The following LARP1B variants were observed in gnomAD, a reference collection of about 807,000 sequenced individuals.
The protein encoded by LARP1B is la-related protein 1B.
A neutral mutation model predicts 114.2 loss-of-function variants in LARP1B; 76 were observed. That is an observed-to-expected ratio of 0.67 (90% CI 0.55 to 0.81). LARP1B has a LOEUF of 0.81. Ranked by LOEUF, LARP1B falls within the 30% of genes least tolerant of loss-of-function variation. LARP1B has a pLI of 0.00. For synonymous variants in LARP1B, 345 were observed against 348.0 expected (o/e 0.99, Z 0.10); for missense variants, 1,014 against 1,075.8 (o/e 0.94, Z 0.80).
chr4:128,184,107 A>G (rs915149830), intron 15 of LARP1B, among the ~76,000 whole-genome samples: 1 of 152,204 alleles, frequency 6.6e-6, no homozygotes, highest in African/African-American at 2.4e-5. Flanking sequence ...AATGACAACA[A>G]CAGATTTAGA....
At chr4:128,188,434 TTTTG>T (rs1316192988) in intron 15 of LARP1B, among the ~76,000 whole-genome samples, 1 of 152,156 alleles carries the variant, frequency 6.6e-6, no homozygotes, top group Non-Finnish European at 1.5e-5. Context: ...GGTTTGTTGA[TTTTG>T]TTTATCTTTT....
At chr4:128,194,565 C>G (rs889977797) in intron 15 of LARP1B, among the ~76,000 whole-genome samples, 12 of 151,192 alleles carry the variant, frequency 7.9e-5, no homozygotes, top group Non-Finnish European at 1.5e-4. Context: ...CGCCTGTAGT[C>G]CCAGCTACTC....
At chr4:128,076,402 T>C (rs976609684) in intron 3 of LARP1B, among the ~76,000 whole-genome samples, 6 of 152,208 alleles carry the variant, frequency 3.9e-5, no homozygotes, top group African/African-American at 1.4e-4. Flanking sequence ...CTCTTTTTTT[T>C]CCTGGCTTGT....
At chr4:128,219,703 C>T (rs887910071) in intron 6 of LARP1B, among the ~76,000 whole-genome samples, 5 of 141,482 alleles carry the variant, frequency 3.5e-5, no homozygotes, top group South Asian at 4.6e-4. Flanking sequence ...CTAGATGACG[C>T]GTTAGTGGGT....
At chr4:128,071,303 C>G (rs6820939) in intron 1 of LARP1B, among the ~76,000 whole-genome samples, 7,576 of 152,246 alleles carry the variant, frequency 0.05, 271 homozygotes, top group Non-Finnish European at 0.083. Flanking sequence ...CCTCGGCCTC[C>G]CAAAGTGCTG....
rs1758939722 is a variant in LARP1B at position 128,211,261 on chromosome 4, T to G, written c.*1208T>G. The G allele has an allele frequency of 1.1e-6, 1 of 951,972 alleles. No individual in the cohort carries two copies. Among genetic ancestry groups the G allele is most frequent in the South Asian group, 4.9e-5 (1 of 20,536 alleles). 59.0% of individuals were successfully genotyped at this position (951,972 alleles called of 1,614,324 possible). Reference sequence around the variant, plus strand: ...TTCAATTATAAACTTACATTCACTTTATTGAGCACTACATAATTTACAGAT... The same window carrying G: ...TTCAATTATAAACTTACATTCACTTGATTGAGCACTACATAATTTACAGAT... On this transcript the variant is annotated 3_prime_UTR_variant, in exon 20 of 20. Transcript: ENST00000326639.
intron 3 of LARP1B, among the ~76,000 whole-genome samples, chr4:128,076,860 C>T (rs951246212): frequency 1.1e-4 from 16 of 152,018 alleles, no homozygotes; most frequent in African/African-American, 3.6e-4. Flanking sequence ...TAAGTAGCTG[C>T]GACTATAGGC....
intron 4 of LARP1B, among the ~76,000 whole-genome samples, chr4:128,080,122 T>G (rs1199977544): frequency 1.3e-5 from 2 of 151,880 alleles, no homozygotes; most frequent in African/African-American, 4.8e-5. Flanking sequence ...GCAGCTGGGA[T>G]TACAGGCACC....
At position 128,079,848 on chromosome 4, in the gene LARP1B, C is replaced by T. The variant is rs972642622; in HGVS notation, c.217+1886C>T. On this transcript the variant is annotated intron_variant, in intron 4 of 19. Transcript: ENST00000326639. Reference sequence around the variant, plus strand: ...CCAAAGTGCTGGGATTAGAAGTGTGCGCCACCATGCCTGGCCTCCTCATTT... The same window carrying T: ...CCAAAGTGCTGGGATTAGAAGTGTGTGCCACCATGCCTGGCCTCCTCATTT... Among the ~76,000 whole-genome samples the T allele has an allele frequency of 2.2e-4, 33 of 151,316 alleles. 1 individual carries two copies. In the East Asian group the frequency reaches 2.9e-3, roughly 13 times the overall value.
intron 11 of LARP1B, among the ~76,000 whole-genome samples, chr4:128,128,513 T>C (rs1017150180): frequency 6.6e-6 from 1 of 152,188 alleles, no homozygotes; most frequent in African/African-American, 2.4e-5. Context: ...GGCAAAATCA[T>C]TTAAACACAA....
At chr4:128,141,437 G>A (rs1294003899) in intron 11 of LARP1B, among the ~76,000 whole-genome samples, 3 of 152,168 alleles carry the variant, frequency 2.0e-5, no homozygotes, top group African/African-American at 7.2e-5. Context: ...CAAGTTGCTT[G>A]TGTAGAAACT....
chr4:128,069,601 G>T, intron 1 of LARP1B: 1 of 693,718 alleles, frequency 1.4e-6, no homozygotes, highest in South Asian at 1.6e-5. Context: ...GGATTTACTT[G>T]TATGCCCCCA....
downstream of LARP1B, among the ~76,000 whole-genome samples, chr4:128,212,859 A>G (rs1014907001): frequency 2.0e-5 from 3 of 149,482 alleles, no homozygotes; most frequent in African/African-American, 7.4e-5. Flanking sequence ...AACACCAATT[A>G]TGATAAATCT....
intron 9 of LARP1B, among the ~76,000 whole-genome samples, chr4:128,113,407 T>C (rs1374182516): frequency 1.3e-5 from 2 of 150,044 alleles, no homozygotes; most frequent in Admixed American, 6.7e-5. Context: ...GGAGCGCAGA[T>C]CTTAGCTCAC....
intron 7 of LARP1B, among the ~76,000 whole-genome samples, chr4:128,092,285 A>G (rs1165122184): frequency 6.6e-6 from 1 of 152,000 alleles, no homozygotes; most frequent in Non-Finnish European, 1.5e-5. Flanking sequence ...AGTTTTTTTT[A>G]TCTTCTAAGT....
chr4:128,199,287 A>C (rs987714835), intron 15 of LARP1B, 152 bp from the exon 16 acceptor site: 2 of 452,556 alleles, frequency 4.4e-6, no homozygotes, highest in Non-Finnish European at 7.7e-6. Flanking sequence ...CACTATATGC[A>C]GATCTGTATG....
chr4:128,129,372 GTAAA>G lies in LARP1B; in HGVS notation c.1524+7190_1524+7193del, dbSNP rs1435092833. Among the ~76,000 whole-genome samples, 11 of 144,750 alleles carry G rather than the reference GTAAA, an allele frequency of 7.6e-5. No individual in the cohort carries two copies. The South Asian group carries it at 1.3e-3, about 18-fold the overall frequency. 95.0% of individuals were successfully genotyped at this position (144,750 alleles called of 152,430 possible). A position where few individuals can be genotyped will look rare whatever the true frequency, so the allele number is the denominator to read the frequency against. ...TCAAAAAAAAAAAAAAAAGGAATAAGTAAATAAATCGAGAAACATTCCTTGTTCA... is the reference window on the plus strand; with the variant it reads ...TCAAAAAAAAAAAAAAAAGGAATAAGTAAATCGAGAAACATTCCTTGTTCA... On this transcript the variant is annotated intron_variant, in intron 11 of 19. Coordinates refer to ENST00000326639, the MANE Select transcript of LARP1B (RefSeq NM_018078.4).
intron 14 of LARP1B, among the ~76,000 whole-genome samples, chr4:128,179,023 G>C (rs1454518610): frequency 6.6e-6 from 1 of 152,118 alleles, no homozygotes; most frequent in African/African-American, 2.4e-5. Flanking sequence ...GCCTGTAGGG[G>C]TCAGGGCTGC....
At chr4:128,094,052 CTACTTTTTTTTAACTTTT>C (rs1317194629) in intron 7 of LARP1B, among the ~76,000 whole-genome samples, 6 of 148,638 alleles carry the variant, frequency 4.0e-5, no homozygotes, top group African/African-American at 1.0e-4. Context: ...TTATTGCAGT[CTACTTTTTTTTAACTTTT>C]TAAAAATTTT....
Sources: gnomAD v4.1 joint callset for allele counts (sites outside exome capture counted in the v4.1 genomes callset) on GRCh38, gnomAD v4.1.1 for gene constraint, MANE v1.5 for transcripts, NCBI Gene and HGNC (gene_info 2026-07-23, HGNC 2026-07-21) for gene names.